PANX1: variants seen among roughly 807,000 people sequenced by gnomAD.
PANX1 encodes pannexin 1.
In PANX1, 30 loss-of-function variants were observed where a neutral mutation model predicts 38.7. That is an observed-to-expected ratio of 0.78 (90% CI 0.58 to 1.05). The LOEUF (loss-of-function observed/expected upper bound fraction) is 1.05. PANX1 is among the 50% of genes least tolerant of loss of function. The pLI is 0.00. For synonymous variants in PANX1, 230 were observed against 212.2 expected, an observed-to-expected ratio of 1.08 and a Z score of -0.73; for missense variants, 551 against 517.2, an observed-to-expected ratio of 1.07 and a Z score of -0.63.
At chr11:94,171,721 ATGG>A (rs1229356865) in intron 2 of PANX1, among the ~76,000 whole-genome samples, 4 of 151,478 alleles carry the variant, frequency 2.6e-5, no homozygotes, top group Non-Finnish European at 5.9e-5. Context: ...GGTATGATCA[ATGG>A]TGTCATTTTT....
intron 2 of PANX1, among the ~76,000 whole-genome samples, chr11:94,170,110 G>A (rs1947148075): frequency 6.6e-6 from 1 of 151,522 alleles, no homozygotes; most frequent in Non-Finnish European, 1.5e-5. Flanking sequence ...TAGCCCAGTG[G>A]CATTAAGTAC....
intron 2 of PANX1, among the ~76,000 whole-genome samples, chr11:94,158,748 C>G (rs1813945919): frequency 6.6e-6 from 1 of 152,158 alleles, no homozygotes; most frequent in South Asian, 2.1e-4. Flanking sequence ...ATTTCCCTCT[C>G]CTGCCTGATT....
chr11:94,149,542 G>A (rs752942200), intron 1 of PANX1, among the ~76,000 whole-genome samples: 3 of 152,298 alleles, frequency 2.0e-5, no homozygotes, highest in African/African-American at 7.2e-5. Context: ...TTGGCCAGAC[G>A]TACATAAATG....
chr11:94,156,641 A>C (rs749310437), intron 2 of PANX1, among the ~76,000 whole-genome samples: 16 of 152,178 alleles, frequency 1.1e-4, no homozygotes, highest in Admixed American at 3.9e-4. Context: ...TGCCAGAAGT[A>C]AAAATAAATC....
intron 2 of PANX1, among the ~76,000 whole-genome samples, chr11:94,177,497 G>A (rs763697507): frequency 6.6e-6 from 1 of 152,134 alleles, no homozygotes; most frequent in Admixed American, 6.5e-5. Flanking sequence ...CAGCTACTTA[G>A]TTCTGCAGAG....
chr11:94,176,086 A>G (rs1435875219), intron 2 of PANX1, among the ~76,000 whole-genome samples: 2 of 151,704 alleles, frequency 1.3e-5, no homozygotes, highest in African/African-American at 4.9e-5. Context: ...GCAACAATCC[A>G]TAGTGATATT....
intron 2 of PANX1, among the ~76,000 whole-genome samples, chr11:94,168,300 C>T (rs1947125030): frequency 6.6e-6 from 1 of 152,068 alleles, no homozygotes; most frequent in Non-Finnish European, 1.5e-5. Context: ...GCAGGGTAGG[C>T]TAGGTTACAG....
intron 1 of PANX1, 93 bp downstream of exon 1, chr11:94,129,586 C>T: frequency 3.4e-6 from 4 of 1,173,686 alleles, no homozygotes; most frequent in Non-Finnish European, 4.8e-6. Flanking sequence ...CTGGGTACGC[C>T]CAGCTGTGAT....
chr11:94,154,351 G>C (rs372512137), intron 2 of PANX1, among the ~76,000 whole-genome samples: 92 of 152,314 alleles, frequency 6.0e-4, no homozygotes, highest in African/African-American at 1.9e-3. Flanking sequence ...TGATAAGTTT[G>C]TGCAGAAGAA....
intron 2 of PANX1, among the ~76,000 whole-genome samples, chr11:94,168,878 G>T (rs7124534): frequency 5.9e-5 from 9 of 151,648 alleles, no homozygotes; most frequent in African/African-American, 2.0e-4. Flanking sequence ...GTAACAAGAT[G>T]TGCTGATTGG....
At chr11:94,172,334 A>G (rs891372410) in intron 2 of PANX1, among the ~76,000 whole-genome samples, 1 of 151,780 alleles carries the variant, frequency 6.6e-6, no homozygotes, top group Non-Finnish European at 1.5e-5. Context: ...GTGCATGCAG[A>G]TCACCTGGGG....
At chr11:94,166,953 T>C (rs1591521750) in intron 2 of PANX1, among the ~76,000 whole-genome samples, 1 of 152,110 alleles carries the variant, frequency 6.6e-6, no homozygotes. Flanking sequence ...ACAGTTACTA[T>C]GTCCTGATTG....
At chr11:94,162,873 T>C (rs867977817) in intron 2 of PANX1, among the ~76,000 whole-genome samples, 5 of 141,982 alleles carry the variant, frequency 3.5e-5, no homozygotes, top group African/African-American at 1.1e-4. Context: ...CAACCTCTCT[T>C]TTTTTTTTTT....
chr11:94,141,293 A>G (rs1322188937), intron 1 of PANX1, among the ~76,000 whole-genome samples: 2 of 152,166 alleles, frequency 1.3e-5, no homozygotes, highest in African/African-American at 4.8e-5. Flanking sequence ...TTCTTTACCA[A>G]TGTTTAATAC....
chr11:94,131,788 C>T (rs1015162745), intron 1 of PANX1, among the ~76,000 whole-genome samples: 1 of 152,106 alleles, frequency 6.6e-6, no homozygotes, highest in African/African-American at 2.4e-5. Context: ...GGAGTTGGTA[C>T]AGTGGGAGGG....
Position 94,129,183 on chromosome 11 carries a change from C to A in PANX1, c.-130C>A, listed in dbSNP as rs146477497. 9.2e-3 allele frequency: 6,109 copies of A among 664,570 alleles called. 70 individuals are homozygous for A. Among genetic ancestry groups the A allele is most frequent in the Non-Finnish European group, 8.7e-3 (3,556 of 410,870 alleles). The allele number at this position is 664,570 out of a possible 1,614,324, so 41.2% of individuals were successfully genotyped here. A position where few individuals can be genotyped will look rare whatever the true frequency, so the allele number is the denominator to read the frequency against. ...TGAGGCACCGAGACACAAAGGCAGG[C>A]GGGATGCGGGAGCAGGCAAAGGGAA... On this transcript the variant is annotated 5_prime_UTR_variant, in exon 1 of 5. Transcript: ENST00000227638.
At chr11:94,175,944 T>A (rs976240341) in intron 2 of PANX1, 3 of 966,488 alleles carry the variant, frequency 3.1e-6, no homozygotes, top group Admixed American at 6.2e-5. Flanking sequence ...GTCTTGCGTC[T>A]GGGGCAGAGA....
At chr11:94,154,202 G>A (rs1192504140) in intron 2 of PANX1, among the ~76,000 whole-genome samples, 1 of 152,140 alleles carries the variant, frequency 6.6e-6, no homozygotes, top group Non-Finnish European at 1.5e-5. Context: ...CTGCAGGGAA[G>A]GGGAGATACT....
chr11:94,157,147 T>C (rs1490661891), intron 2 of PANX1, among the ~76,000 whole-genome samples: 1 of 152,118 alleles, frequency 6.6e-6, no homozygotes, highest in Non-Finnish European at 1.5e-5. Context: ...TTTGGGTTGG[T>C]TCCAAGTCTT....
Sources: allele counts gnomAD v4.1 joint callset (sites outside exome capture counted in the v4.1 genomes callset), GRCh38; gene constraint gnomAD v4.1.1; transcripts MANE v1.5; gene names NCBI Gene and HGNC (gene_info 2026-07-23, HGNC 2026-07-21).